CLDN14: variants seen among roughly 807,000 people sequenced by gnomAD.
CLDN14 encodes the protein claudin 14.
CLDN14 carries 2 observed loss-of-function variants against 2.1 expected under a neutral mutation model. The observed-to-expected ratio is 0.96, with a 90% CI of 0.39 to 3.01. CLDN14 has a LOEUF of 3.01. Among genes scored for constraint, CLDN14 ranks in the 30% most tolerant of loss-of-function variants. The pLI is 0.09. For synonymous variants in CLDN14, 136 were observed against 154.4 expected (o/e 0.88, Z 0.88); for missense variants, 298 against 328.0 (o/e 0.91, Z 0.71).
At chr21:36,495,283 C>T (rs974220510) in intron 2 of CLDN14, among the ~76,000 whole-genome samples, 21 of 152,124 alleles carry the variant, frequency 1.4e-4, no homozygotes, top group African/African-American at 4.6e-4. Flanking sequence ...GAGCCGAGAT[C>T]GTGCCATTGC....
intron 1 of CLDN14, among the ~76,000 whole-genome samples, chr21:36,530,345 A>G (rs917749708): frequency 1.3e-5 from 2 of 152,254 alleles, no homozygotes; most frequent in Non-Finnish European, 2.9e-5. Flanking sequence ...CCCCCTGCAC[A>G]GAGATCCGGG....
rs374840285 is a variant in CLDN14 at position 36,461,105 on chromosome 21, C to A, written c.591G>T (p.Pro197=). ...TTGCAGTGGTCGTGGTGGCCCTGGGCGGGGCCTGGTAGGGCCTGTAGGGTG... is the reference window on the plus strand; with the variant it reads ...TTGCAGTGGTCGTGGTGGCCCTGGGAGGGGCCTGGTAGGGCCTGTAGGGTG... The part of the protein sequence containing the change: ...DEAPYRPYQA[P]PRATTTTANT... The change falls in exon 2 of 2, where the codon CCG becomes CCT. Residue 197 remains proline (P), a synonymous_variant. Coordinates refer to ENST00000399135, the MANE Select transcript of CLDN14 (RefSeq NM_001146079.2). The A allele has an allele frequency of 1.2e-6, 2 of 1,613,978 alleles. No homozygotes were observed. Among genetic ancestry groups the A allele is most frequent in the African/African-American group, 2.7e-5 (2 of 74,928 alleles).
chr21:36,485,659 A>G (rs2086887263), intron 2 of CLDN14, among the ~76,000 whole-genome samples: 1 of 152,142 alleles, frequency 6.6e-6, no homozygotes, highest in Non-Finnish European at 1.5e-5. Context: ...TGCCTTCCCA[A>G]TCCTCTGCTC....
intron 1 of CLDN14, among the ~76,000 whole-genome samples, chr21:36,550,768 C>T (rs1330178425): frequency 4.6e-5 from 7 of 152,266 alleles, no homozygotes; most frequent in Middle Eastern, 3.4e-3. Flanking sequence ...TGTCTAATGC[C>T]GGCAACAGTC....
intron 1 of CLDN14, among the ~76,000 whole-genome samples, chr21:36,555,532 T>G (rs1403304206): frequency 1.3e-5 from 2 of 152,144 alleles, no homozygotes; most frequent in Non-Finnish European, 1.5e-5. Context: ...AACCAAAGAG[T>G]GCAGGAGCCC....
At chr21:36,490,805 C>G (rs1445915407) in intron 2 of CLDN14, among the ~76,000 whole-genome samples, 1 of 152,112 alleles carries the variant, frequency 6.6e-6, no homozygotes, top group Non-Finnish European at 1.5e-5. Context: ...TCTGACTGTT[C>G]AGTTTGATAC....
At chr21:36,539,438 TGA>T (rs2087461992) in intron 1 of CLDN14, among the ~76,000 whole-genome samples, 1 of 130,726 alleles carries the variant, frequency 7.6e-6, no homozygotes, top group Admixed American at 7.8e-5. Flanking sequence ...GTGTGTGGAA[TGA>T]GTGTGTGTGC....
At chr21:36,539,781 G>C (rs1016216352) in intron 1 of CLDN14, among the ~76,000 whole-genome samples, 5 of 150,616 alleles carry the variant, frequency 3.3e-5, no homozygotes, top group African/African-American at 1.2e-4. Flanking sequence ...TGTGGAGTGA[G>C]TGTGTGTGTG....
chr21:36,496,759 G>A (rs577740208), intron 2 of CLDN14, among the ~76,000 whole-genome samples: 86 of 302 alleles, frequency 0.28, 32 homozygotes, highest in Non-Finnish European at 0.57. Context: ...GGGAGGGAGG[G>A]AGGGAGGGAG....
intron 1 of CLDN14, among the ~76,000 whole-genome samples, chr21:36,468,491 G>A (rs60482546): frequency 0.035 from 5,314 of 152,048 alleles, 159 homozygotes; most frequent in African/African-American, 0.086. Context: ...GAGGAGAATC[G>A]CTTGAAGGTT....
At chr21:36,528,422 C>T (rs2087352193) in intron 1 of CLDN14, among the ~76,000 whole-genome samples, 1 of 152,208 alleles carries the variant, frequency 6.6e-6, no homozygotes, top group Non-Finnish European at 1.5e-5. Context: ...AAGCTGTTCA[C>T]CTCTGTTCAC....
At chr21:36,540,141 T>C (rs1251321022) in intron 1 of CLDN14, among the ~76,000 whole-genome samples, 3 of 151,860 alleles carry the variant, frequency 2.0e-5, no homozygotes, top group African/African-American at 7.2e-5. Context: ...TGTGTGTTTA[T>C]ACAGTCATCC....
intron 1 of CLDN14, among the ~76,000 whole-genome samples, chr21:36,547,271 A>G (rs2087532025): frequency 6.6e-6 from 1 of 152,190 alleles, no homozygotes; most frequent in Non-Finnish European, 1.5e-5. Flanking sequence ...ACTTGGTGGC[A>G]GGGCAGGATA....
rs743425 is a variant in CLDN14 at position 36,499,706 on chromosome 21, A to G, written c.-82+10657T>C. Among the ~76,000 whole-genome samples, 40,434 of 152,100 alleles carry G rather than the reference A, an allele frequency of 0.27. 5,919 individuals are homozygous for G. The highest frequency in any genetic ancestry group is 0.37 in the African/African-American group (15,157 of 41,448). On this transcript the variant is annotated intron_variant, in intron 2 of 2. Transcript: ENST00000342108. The surrounding 1 kb of genome is among the most constrained non-coding windows in gnomAD (Gnocchi z 4.7). ...ATTCACTGATTTAGACACGCAGACA[A>G]TAAATACTGATTCTTGGACTACAGA... is the stretch of plus-strand genomic sequence containing the variant.
intron 2 of CLDN14, among the ~76,000 whole-genome samples, chr21:36,490,971 C>T (rs1338851971): frequency 4.6e-5 from 7 of 151,932 alleles, no homozygotes; most frequent in Non-Finnish European, 7.4e-5. Flanking sequence ...CACACACACA[C>T]ACACACACAC....
chr21:36,493,431 G>C (rs941823496), intron 2 of CLDN14, among the ~76,000 whole-genome samples: 2 of 152,172 alleles, frequency 1.3e-5, no homozygotes, highest in East Asian at 3.9e-4. Flanking sequence ...GTTCTTGTAA[G>C]CCAGGCATTG....
At chr21:36,509,690 G>T (rs1159566720) in intron 2 of CLDN14, among the ~76,000 whole-genome samples, 1 of 152,126 alleles carries the variant, frequency 6.6e-6, no homozygotes, top group Admixed American at 6.5e-5. Flanking sequence ...CCGCCTCCCG[G>T]CTTCAAGTGA....
At chr21:36,461,887 G>A in intron 1 of CLDN14, 111 bp from the exon 2 acceptor site, 2 of 701,668 alleles carry the variant, frequency 2.9e-6, no homozygotes, top group South Asian at 3.8e-5. Context: ...TGGTTGGTGT[G>A]GCAATTAGCA....
In CLDN14 at chr21:36,539,608, T is replaced by C. The variant is rs529807104; in HGVS notation, c.-219-29108A>G. On this transcript the variant is annotated intron_variant, in intron 1 of 2. Coordinates refer to the CLDN14 transcript ENST00000342108. ...GGAGTGAGTGTGTGTGTGGAGTGAA[T>C]GTATGTGGAGTGTGTGTGGAGTGAG... Among the ~76,000 whole-genome samples, 10 of 146,316 alleles carry C rather than the reference T, an allele frequency of 6.8e-5. No homozygotes were observed. The East Asian group carries it at 2.1e-3, about 31-fold the overall frequency.
Sources: gnomAD v4.1 joint callset for allele counts (sites outside exome capture counted in the v4.1 genomes callset) on GRCh38, gnomAD v4.1.1 for gene constraint, Gnocchi (gnomAD v3.1) non-coding constraint, MANE v1.5 for transcripts, NCBI Gene and HGNC (gene_info 2026-07-23, HGNC 2026-07-21) for gene names.